SLC8B1: variants seen among roughly 807,000 people sequenced by gnomAD.
SLC8B1 encodes the protein solute carrier family 8 member B1.
In SLC8B1, 52 loss-of-function variants were observed where a neutral mutation model predicts 63.4. The observed-to-expected ratio is 0.82, with a 90% CI of 0.66 to 1.03. SLC8B1 has a LOEUF of 1.03. Among genes scored for constraint, SLC8B1 ranks in the 50% least tolerant of loss-of-function variants. The probability of loss-of-function intolerance (pLI) is 0.00; values close to 1 mark genes in which losing one functional copy is unlikely to be tolerated. For synonymous variants in SLC8B1, 336 were observed against 323.9 expected (o/e 1.04, Z -0.40); for missense variants, 657 against 741.7 (o/e 0.89, Z 1.33).
intron 14 of SLC8B1, 32 bp from the exon 15 acceptor site, chr12:113,304,417 T>A: frequency 6.2e-7 from 1 of 1,605,308 alleles, no homozygotes; most frequent in South Asian, 1.1e-5. Flanking sequence ...TTTGCTGGAA[T>A]GGCCTGCACA....
chr12:113,321,041 C>G lies in SLC8B1; in HGVS notation c.362+15G>C, dbSNP rs1322503333. On this transcript the variant is annotated intron_variant, in intron 4 of 15. Transcript: ENST00000680972. ...CCCATTGATAAGCCAGACCGGAGCC[C>G]AGAGCCAAACTCACAACTTGGCTGC... The G allele has an allele frequency of 6.2e-7, 1 of 1,609,524 alleles. No individual in the cohort carries two copies. Among genetic ancestry groups the G allele is most frequent in the Non-Finnish European group, 8.5e-7 (1 of 1,177,918 alleles).
intron 1 of SLC8B1, 147 bp from the exon 2 acceptor site, chr12:113,333,107 C>T (rs1467630709): frequency 1.4e-5 from 8 of 573,264 alleles, no homozygotes; most frequent in East Asian, 9.0e-5. Flanking sequence ...TCTGCACAGT[C>T]TCGCTGGAGG....
intron 2 of SLC8B1, among the ~76,000 whole-genome samples, chr12:113,330,669 C>A (rs1957044604): frequency 6.6e-6 from 1 of 152,220 alleles, no homozygotes; most frequent in Non-Finnish European, 1.5e-5. Context: ...ATTTTATAAC[C>A]ACAGTAACCA....
chr12:113,319,260 T>C (rs998864393), intron 7 of SLC8B1, 189 bp from the exon 8 acceptor site: 2 of 559,924 alleles, frequency 3.6e-6, no homozygotes, highest in Non-Finnish European at 6.5e-6. Context: ...ACCATCTCCC[T>C]TCCTGTCTCC....
intron 8 of SLC8B1, among the ~76,000 whole-genome samples, chr12:113,318,248 T>C (rs533676638): frequency 3.5e-4 from 53 of 152,166 alleles, no homozygotes; most frequent in African/African-American, 1.3e-3. Flanking sequence ...GTGTGTGTTG[T>C]GTATTTGTGT....
In SLC8B1 at chr12:113,316,525, C is replaced by T. The variant is rs1163257240; in HGVS notation, c.993+1G>A. On this transcript the variant is annotated splice_donor_variant, in intron 10 of 15. Transcript: ENST00000680972. LOFTEE classifies it high-confidence loss of function. ...TGAGCCTGGCTCCAGGACCCTCCTA[C>T]CTTGAACACCTTGAGGGCTTTCCAG... The T allele has an allele frequency of 1.2e-6, 2 of 1,613,594 alleles. No homozygotes were observed. The highest frequency in any genetic ancestry group is 3.3e-5 in the Admixed American group (2 of 59,988).
intron 15 of SLC8B1, among the ~76,000 whole-genome samples, chr12:113,303,177 CT>C (rs1238373952): frequency 6.6e-6 from 1 of 151,424 alleles, no homozygotes; most frequent in African/African-American, 2.4e-5. Context: ...AATAGGTCCC[CT>C]GAGGAGCCAA....
intron 2 of SLC8B1, among the ~76,000 whole-genome samples, chr12:113,321,780 T>TTTTA (rs1555276163): frequency 1.4e-4 from 21 of 145,720 alleles, no homozygotes; most frequent in African/African-American, 5.5e-4. Flanking sequence ...GCTTTTACCA[T>TTTTA]TATATATATA....
intron 8 of SLC8B1, 78 bp from the exon 9 acceptor site, chr12:113,317,079 G>T: frequency 7.9e-7 from 1 of 1,266,988 alleles, no homozygotes; most frequent in Non-Finnish European, 1.1e-6. Context: ...CAGGTTTAGG[G>T]GTGCAAGTGT....
Position 113,310,240 on chromosome 12 carries a change from A to G in SLC8B1, c.1251T>C (p.Leu417=). Residue 417 remains leucine (L), a synonymous_variant, in exon 12 of 16, where the codon CTT becomes CTC. Transcript: ENST00000680972. ...FATSDSQPPR[L]HWLFAFLGFL... ...GAGAACCCGGGCTTCTTACCCAGTG[A>G]AGCCTGGGGGGCTGGCTGTCAGATG... 2.5e-6 allele frequency: 4 copies of G among 1,613,652 alleles called. No homozygotes were observed. The highest frequency in any genetic ancestry group is 3.4e-6 in the Non-Finnish European group (4 of 1,179,828).
rs756421099 is a variant in SLC8B1 at position 113,320,365 on chromosome 12, G to A, written c.660C>T (p.Leu220=). 3.7e-6 allele frequency: 6 copies of A among 1,614,062 alleles called. No homozygotes were observed. Among genetic ancestry groups the A allele is most frequent in the Non-Finnish European group, 3.4e-6 (4 of 1,180,042 alleles). ...ATGCCAGGGTGACCCTGCCACGGAA[G>A]AGCATGAGGAAGGTCAGGAACACAG... ...MVAVFLTFLM[L]FRGRVTLAWA... The change falls in exon 7 of 16, where the codon CTC becomes CTT. Residue 220 remains leucine (L), a synonymous_variant. Transcript: ENST00000680972. The surrounding 1 kb of genome is among the most constrained non-coding windows in gnomAD (Gnocchi z 5.3).
chr12:113,316,969 A>G lies in SLC8B1; in HGVS notation c.835T>C (p.Ser279Pro), dbSNP rs1041365320. The change falls in exon 9 of 16, where the codon TCT (serine) becomes CCT (proline). Residue 279 changes from serine to proline, a missense_variant. Transcript: ENST00000680972. ...ILSDSEEDRV[S>P]SNTNSYDYGD... ...TAGTCATAGCTGTTGGTATTAGAAG[A>G]TACCCGGTCCTCCTCGGAGTCTGAG... 1.2e-6 allele frequency: 2 copies of G among 1,613,562 alleles called. No homozygotes were observed. Among genetic ancestry groups the G allele is most frequent in the Non-Finnish European group, 1.7e-6 (2 of 1,179,912 alleles).
At chr12:113,313,767 A>G (rs544589996) in intron 11 of SLC8B1, among the ~76,000 whole-genome samples, 10 of 152,192 alleles carry the variant, frequency 6.6e-5, no homozygotes, top group African/African-American at 2.4e-4. Flanking sequence ...TATCAAATGT[A>G]ATAGTATAGA....
Position 113,299,733 on chromosome 12 carries a change from G to A in SLC8B1, c.*44C>T, listed in dbSNP as rs200161787. On this transcript the variant is annotated 3_prime_UTR_variant, in exon 16 of 16. Transcript: ENST00000680972. ...CTGGGCCTCCCCCGGCAGGAGGGGC[G>A]GGGCTCCTGCCTGCAGTGAGGCCAC... The A allele has an allele frequency of 1.4e-5, 23 of 1,592,312 alleles. No homozygotes were observed. The highest frequency in any genetic ancestry group is 8.0e-5 in the African/African-American group (6 of 74,598).
chr12:113,300,155 C>T (rs1185810936), intron 15 of SLC8B1, among the ~76,000 whole-genome samples, 181 bp from the exon 16 acceptor site: 1 of 151,612 alleles, frequency 6.6e-6, no homozygotes, highest in Non-Finnish European at 1.5e-5. Context: ...AACAACAATG[C>T]ACCCTCAACA....
chr12:113,325,565 AT>A (rs57635916), intron 2 of SLC8B1, among the ~76,000 whole-genome samples: 3,922 of 140,046 alleles, frequency 0.028, 48 homozygotes, highest in Middle Eastern at 0.055. Context: ...CCTGGCCTTA[AT>A]TTTTTTTTTT....
chr12:113,319,107 C>G (rs755324684), intron 7 of SLC8B1, 36 bp from the exon 8 acceptor site: 1 of 1,531,740 alleles, frequency 6.5e-7, no homozygotes, highest in Non-Finnish European at 9.0e-7. Context: ...CAAGTGGTGT[C>G]CTGGTGCAGG....
chr12:113,315,284 A>G, intron 11 of SLC8B1, 51 bp downstream of exon 11: 1 of 1,456,466 alleles, frequency 6.9e-7, no homozygotes, highest in East Asian at 2.6e-5. Flanking sequence ...AAAACTCCAG[A>G]ACGTGGGAAG....
Position 113,306,527 on chromosome 12 carries a change from G to T in SLC8B1, c.1460C>A (p.Ala487Glu), listed in dbSNP as rs990636941. The T allele has an allele frequency of 1.2e-6, 2 of 1,613,602 alleles. No individual in the cohort carries two copies. Among genetic ancestry groups the T allele is most frequent in the Non-Finnish European group, 1.7e-6 (2 of 1,179,872 alleles). Residue 487 changes from alanine to glutamate, a missense_variant, in exon 14 of 16, where the codon GCG (alanine) becomes GAG (glutamate). Transcript: ENST00000680972. ...GATGCCGCCAAAGCAGGCGGAGAAC[G>T]CCATCCGTGGGTAGCCCTGGCGAGC... ...TLARQGYPRM[A>E]FSACFGGIIF...
Sources: gnomAD v4.1 joint callset for allele counts (sites outside exome capture counted in the v4.1 genomes callset) on GRCh38, gnomAD v4.1.1 for gene constraint, Gnocchi (gnomAD v3.1) non-coding constraint, MANE v1.5 for transcripts, NCBI Gene and HGNC (gene_info 2026-07-23, HGNC 2026-07-21) for gene names.